The following ALK variants were observed in gnomAD, a reference collection of about 807,000 sequenced individuals.
ALK encodes the protein ALK tyrosine kinase receptor.
Under a neutral mutation model 163.1 loss-of-function variants are expected in ALK, and 74 were observed. That is an observed-to-expected ratio of 0.45 (90% CI 0.38 to 0.55). The LOEUF (loss-of-function observed/expected upper bound fraction) is 0.55, where lower values mean the gene tolerates loss of function less well. ALK is among the 20% of genes least tolerant of loss of function. The probability of loss-of-function intolerance (pLI) is 0.00; values close to 1 mark genes in which losing one functional copy is unlikely to be tolerated. For synonymous variants in ALK, 960 were observed against 843.2 expected (o/e 1.14, Z -2.40); for missense variants, 2,063 against 2,105.3 (o/e 0.98, Z 0.39).
At chr2:29,877,802 G>A (rs1255150722) in intron 1 of ALK, among the ~76,000 whole-genome samples, 1 of 152,168 alleles carries the variant, frequency 6.6e-6, no homozygotes, top group Admixed American at 6.5e-5. Context: ...CCTTGTGGTT[G>A]CCTCCTGGCT....
At position 29,394,942 on chromosome 2, in the gene ALK, G is replaced by A. The variant is rs374339803; in HGVS notation, c.1155-11083C>T. On this transcript the variant is annotated intron_variant, in intron 4 of 28. Transcript: ENST00000389048. ...ACAACATTGAAACTGAAATGTGGCC[G>A]TTTCTGTGGGATCCCTCCTTCAGTC... Among the ~76,000 whole-genome samples, 69 of 151,708 alleles carry A rather than the reference G, an allele frequency of 4.5e-4. No homozygotes were observed. The South Asian group carries it at 6.9e-3, about 15-fold the overall frequency.
At chr2:29,570,266 T>A (rs975378888) in intron 3 of ALK, among the ~76,000 whole-genome samples, 2 of 152,226 alleles carry the variant, frequency 1.3e-5, no homozygotes, top group African/African-American at 4.8e-5. Context: ...ATAGGAGCGA[T>A]CAATGCTCCG....
At chr2:29,282,761 G>A (rs184611174) in intron 9 of ALK, among the ~76,000 whole-genome samples, 9 of 152,270 alleles carry the variant, frequency 5.9e-5, no homozygotes, top group Admixed American at 5.9e-4. Context: ...TTTCAGCCAG[G>A]CTGAGCAAGC....
intron 5 of ALK, among the ~76,000 whole-genome samples, chr2:29,350,017 A>G (rs2148278529): frequency 6.6e-6 from 1 of 152,346 alleles, no homozygotes; most frequent in Non-Finnish European, 1.5e-5. Context: ...AGCAATGGAT[A>G]ATCAGCAAGA....
intron 3 of ALK, among the ~76,000 whole-genome samples, chr2:29,674,615 A>C (rs911967301): frequency 6.6e-6 from 1 of 151,476 alleles, no homozygotes; most frequent in East Asian, 1.9e-4. Flanking sequence ...ATGTTCATCA[A>C]GGATATTGGT....
chr2:29,595,657 A>C (rs1003689211), intron 3 of ALK, among the ~76,000 whole-genome samples: 1 of 152,222 alleles, frequency 6.6e-6, no homozygotes, highest in African/African-American at 2.4e-5. Flanking sequence ...TGATGTGGTC[A>C]CATTCTTAAA....
At chr2:29,478,690 T>C (rs555575862) in intron 4 of ALK, among the ~76,000 whole-genome samples, 1 of 152,290 alleles carries the variant, frequency 6.6e-6, no homozygotes, top group East Asian at 1.9e-4. Flanking sequence ...ACGATGAGCA[T>C]GGACATATTC....
At chr2:29,690,844 A>C (rs1678374884) in intron 3 of ALK, among the ~76,000 whole-genome samples, 1 of 152,180 alleles carries the variant, frequency 6.6e-6, no homozygotes, top group Admixed American at 6.5e-5. Flanking sequence ...TAGCATCTAA[A>C]TACTATCTGA....
chr2:29,223,919 G>A (rs2148172251), intron 19 of ALK: 2 of 369,194 alleles, frequency 5.4e-6, no homozygotes, highest in South Asian at 3.5e-5. Flanking sequence ...AGCAGACTGT[G>A]TTGCAAGTAT....
At chr2:29,613,534 G>A (rs907200182) in intron 3 of ALK, among the ~76,000 whole-genome samples, 1 of 152,204 alleles carries the variant, frequency 6.6e-6, no homozygotes, top group Admixed American at 6.5e-5. Context: ...CTTGGGCACT[G>A]TTCTTCCTTG....
At chr2:29,402,026 C>T (rs559285325) in intron 4 of ALK, among the ~76,000 whole-genome samples, 3 of 152,264 alleles carry the variant, frequency 2.0e-5, no homozygotes, top group African/African-American at 4.8e-5. Context: ...TGGTGGGAAC[C>T]GCAGGTTAGA....
At chr2:29,597,350 C>G (rs1365004719) in intron 3 of ALK, among the ~76,000 whole-genome samples, 1 of 152,106 alleles carries the variant, frequency 6.6e-6, no homozygotes, top group Non-Finnish European at 1.5e-5. Flanking sequence ...ACTCTCAAAC[C>G]CATCATATCT....
intron 3 of ALK, among the ~76,000 whole-genome samples, chr2:29,652,380 A>G (rs547965439): frequency 6.6e-6 from 1 of 152,280 alleles, no homozygotes; most frequent in African/African-American, 2.4e-5. Context: ...CTCAAAGGGA[A>G]GAATGCTGAA....
intron 1 of ALK, among the ~76,000 whole-genome samples, chr2:29,752,006 G>C (rs1680378079): frequency 6.6e-6 from 1 of 152,150 alleles, no homozygotes; most frequent in South Asian, 2.1e-4. Context: ...AGGAAGCTAA[G>C]ATAATAGCAC....
intron 1 of ALK, among the ~76,000 whole-genome samples, chr2:29,719,870 C>T (rs1679374589): frequency 6.6e-6 from 1 of 152,162 alleles, no homozygotes; most frequent in South Asian, 2.1e-4. Flanking sequence ...ACTGAGCATG[C>T]TTCAGAATAG....
At chr2:29,287,761 G>A (rs1665898717) in intron 9 of ALK, among the ~76,000 whole-genome samples, 1 of 151,566 alleles carries the variant, frequency 6.6e-6, no homozygotes, top group South Asian at 2.1e-4. Context: ...AAGGCCAGAG[G>A]AAAGGCCCAC....
intron 1 of ALK, among the ~76,000 whole-genome samples, chr2:29,795,939 T>C (rs772275946): frequency 4.0e-4 from 61 of 152,124 alleles, no homozygotes; most frequent in Non-Finnish European, 7.6e-4. Context: ...AAAGATAGGA[T>C]GAGGTTGACA....
intron 1 of ALK, among the ~76,000 whole-genome samples, chr2:29,801,816 T>C (rs1664474117): frequency 6.6e-6 from 1 of 152,134 alleles, no homozygotes; most frequent in African/African-American, 2.4e-5. Flanking sequence ...AAAACCACAG[T>C]TATTTATTAA....
intron 3 of ALK, among the ~76,000 whole-genome samples, chr2:29,552,501 C>G (rs926024765): frequency 1.1e-4 from 16 of 152,150 alleles, no homozygotes; most frequent in African/African-American, 3.9e-4. Context: ...CTCCATACAT[C>G]CTCACCAATA....
Sources: allele counts gnomAD v4.1 joint callset (sites outside exome capture counted in the v4.1 genomes callset), GRCh38; gene constraint gnomAD v4.1.1; transcripts MANE v1.5; gene names NCBI Gene and HGNC (gene_info 2026-07-23, HGNC 2026-07-21).